The following CACNA1E variants were observed in gnomAD, a reference collection of about 807,000 sequenced individuals.
CACNA1E encodes voltage-dependent R-type calcium channel subunit alpha-1E.
In CACNA1E, 40 loss-of-function variants were observed where a neutral mutation model predicts 259.2. The observed-to-expected ratio is 0.15, with a 90% CI of 0.12 to 0.20. CACNA1E has a LOEUF of 0.20. CACNA1E is among the 10% of genes least tolerant of loss of function. The probability of loss-of-function intolerance (pLI) is 1.00; values close to 1 mark genes in which losing one functional copy is unlikely to be tolerated. For synonymous variants in CACNA1E, 1,104 were observed against 1,138.5 expected, an observed-to-expected ratio of 0.97 and a Z score of 0.61; for missense variants, 1,874 against 3,040.1, an observed-to-expected ratio of 0.62 and a Z score of 9.02.
chr1:181,454,124 C>G (rs948883714), intron 2 of CACNA1E, among the ~76,000 whole-genome samples: 2 of 151,756 alleles, frequency 1.3e-5, no homozygotes, highest in Admixed American at 6.6e-5. Context: ...TACCTCATTA[C>G]TTTTGTTATG....
chr1:181,479,090 T>A (rs142129059), upstream of CACNA1E, among the ~76,000 whole-genome samples: 5 of 152,332 alleles, frequency 3.3e-5, no homozygotes, highest in African/African-American at 9.6e-5. Context: ...TGCAGGTCAT[T>A]GCTTTCAGAA....
rs757882843 is a variant in CACNA1E at position 181,771,290 on chromosome 1, A to G, written c.4882-3A>G. The G allele has an allele frequency of 6.6e-7, 1 of 1,520,580 alleles. No homozygotes were observed. The highest frequency in any genetic ancestry group is 2.3e-5 in the East Asian group (1 of 43,036). The allele number at this position is 1,520,580 out of a possible 1,614,324, so 94.2% of individuals were successfully genotyped here. On this transcript the variant is annotated splice_region_variant and splice_polypyrimidine_tract_variant and intron_variant, in intron 35 of 47. Transcript: ENST00000367573. ...ACTGTTTTCTGTTGTTTCTCTCCTC[A>G]AGGTATTTGGAAACATAAAATTAGA... is the stretch of plus-strand genomic sequence containing the variant.
chr1:181,514,608 G>A (rs1666417870), intron 3 of CACNA1E, among the ~76,000 whole-genome samples: 1 of 152,032 alleles, frequency 6.6e-6, no homozygotes. Flanking sequence ...ATCTCCAGGT[G>A]TCACCTCCCA....
intron 25 of CACNA1E, among the ~76,000 whole-genome samples, chr1:181,743,581 G>A (rs12732294): frequency 6.6e-6 from 1 of 152,184 alleles, no homozygotes; most frequent in Non-Finnish European, 1.5e-5. Flanking sequence ...GAACCCTCAT[G>A]TTTCATGTGT....
chr1:181,795,119 CTG>C, intron 46 of CACNA1E, 75 bp downstream of exon 46: 1 of 1,227,160 alleles, frequency 8.1e-7, no homozygotes, highest in East Asian at 2.4e-5. Context: ...TCTCCAAGGA[CTG>C]TAGATAACCA....
intron 7 of CACNA1E, among the ~76,000 whole-genome samples, chr1:181,706,967 C>A (rs1652854012): frequency 6.6e-6 from 1 of 152,204 alleles, no homozygotes; most frequent in South Asian, 2.1e-4. Flanking sequence ...TCTATGGAAT[C>A]TATCATACCA....
At chr1:181,338,902 C>T (rs1651928497) in intron 1 of CACNA1E, among the ~76,000 whole-genome samples, 1 of 151,554 alleles carries the variant, frequency 6.6e-6, no homozygotes, top group Non-Finnish European at 1.5e-5. Context: ...TTTTCTAGCA[C>T]AATTAATTGA....
At position 181,718,546 on chromosome 1, in the gene CACNA1E, C is replaced by T. The variant is rs182057913; in HGVS notation, c.1638+379C>T. Among the ~76,000 whole-genome samples, 37 of 147,862 alleles carry T rather than the reference C, an allele frequency of 2.5e-4. No individual in the cohort carries two copies. In the Admixed American group the frequency reaches 2.5e-3, roughly 10 times the overall value. ...GAGGTGGTTCCATAGGAAAGAGAAG[C>T]TTATATATTTGTTTTTCTACTTCAG... is the stretch of plus-strand genomic sequence containing the variant. On this transcript the variant is annotated intron_variant, in intron 12 of 47. Coordinates refer to ENST00000367573, the MANE Select transcript of CACNA1E (RefSeq NM_001205293.3).
At chr1:181,768,917 A>G (rs1280016131) in intron 35 of CACNA1E, among the ~76,000 whole-genome samples, 1 of 152,264 alleles carries the variant, frequency 6.6e-6, no homozygotes, top group East Asian at 1.9e-4. Context: ...AAAAATATTA[A>G]TAGCAACAAG....
intron 2 of CACNA1E, among the ~76,000 whole-genome samples, chr1:181,438,515 T>C (rs1200414468): frequency 6.6e-6 from 1 of 152,240 alleles, no homozygotes; most frequent in Non-Finnish European, 1.5e-5. Context: ...GCTTTTGCCT[T>C]TTTATTTTTT....
At chr1:181,736,216 A>C in intron 21 of CACNA1E, 59 bp from the exon 22 acceptor site, 1 of 1,528,294 alleles carries the variant, frequency 6.5e-7, no homozygotes, top group South Asian at 1.3e-5. Flanking sequence ...CTAAACACAA[A>C]TGGTGCCATT....
In CACNA1E at chr1:181,802,158, C is replaced by T. The variant is rs1160557675; in HGVS notation, c.*3324C>T. 1 of 152,240 alleles carries T rather than the reference C, an allele frequency of 6.6e-6. No individual in the cohort carries two copies. The highest frequency in any genetic ancestry group is 1.5e-5 in the Non-Finnish European group (1 of 68,046). The allele number at this position is 152,240 out of a possible 1,614,324, so 9.4% of individuals were successfully genotyped here. A position where few individuals can be genotyped will look rare whatever the true frequency, so the allele number is the denominator to read the frequency against. On this transcript the variant is annotated 3_prime_UTR_variant, in exon 48 of 48. Coordinates refer to ENST00000367573, the MANE Select transcript of CACNA1E (RefSeq NM_001205293.3). ...TTTCCTGCCCCGTGAAGGGCTGGCA[C>T]CAGCTAGCATCCCCTTGGCTCCACA...
chr1:181,370,404 A>G (rs912184568), intron 1 of CACNA1E, among the ~76,000 whole-genome samples: 4 of 149,900 alleles, frequency 2.7e-5, no homozygotes, highest in African/African-American at 9.8e-5. Flanking sequence ...TGAGCATGGT[A>G]CCTGATTCAA....
At chr1:181,766,421 T>C (rs1209342904) in intron 34 of CACNA1E, 125 bp from the exon 35 acceptor site, 4 of 694,200 alleles carry the variant, frequency 5.8e-6, no homozygotes, top group Non-Finnish European at 1.1e-5. Context: ...CCCCAGGGAA[T>C]AGGGAGTCCC....
chr1:181,318,212 G>C (rs113702316), intron 1 of CACNA1E: 2 of 152,144 alleles, frequency 1.3e-5, no homozygotes, highest in Non-Finnish European at 1.5e-5. Flanking sequence ...CCCCGGCGGC[G>C]CCACGGGTCT....
chr1:181,761,972 T>C (rs1401843994), intron 32 of CACNA1E, among the ~76,000 whole-genome samples: 1 of 152,232 alleles, frequency 6.6e-6, no homozygotes, highest in Non-Finnish European at 1.5e-5. Flanking sequence ...ATTTATCCTA[T>C]TACCAATCAG....
intron 1 of CACNA1E, among the ~76,000 whole-genome samples, chr1:181,367,092 C>T (rs1654328575): frequency 1.3e-5 from 2 of 152,194 alleles, no homozygotes; most frequent in South Asian, 4.1e-4. Context: ...CACCTGGCTT[C>T]CTGGGACACC....
intron 3 of CACNA1E, among the ~76,000 whole-genome samples, chr1:181,556,220 C>G (rs1437918092): frequency 6.6e-6 from 1 of 152,182 alleles, no homozygotes; most frequent in Non-Finnish European, 1.5e-5. Flanking sequence ...TGTCTTGCAT[C>G]ATGGCAGCAA....
chr1:181,520,578 A>C (rs566687339), intron 3 of CACNA1E, among the ~76,000 whole-genome samples: 4 of 152,372 alleles, frequency 2.6e-5, no homozygotes. Context: ...AACCTATTGC[A>C]AATTTTAAAA....
Sources: gnomAD v4.1 joint callset for allele counts (sites outside exome capture counted in the v4.1 genomes callset) on GRCh38, gnomAD v4.1.1 for gene constraint, MANE v1.5 for transcripts, NCBI Gene and HGNC (gene_info 2026-07-23, HGNC 2026-07-21) for gene names.